Variants in ZBTB8A observed in about 807,000 individuals in gnomAD.
ZBTB8A encodes the protein zinc finger and BTB domain containing 8A.
A neutral mutation model predicts 37.8 loss-of-function variants in ZBTB8A; 19 were observed. That is an observed-to-expected ratio of 0.50 (90% CI 0.35 to 0.74). The LOEUF is 0.74. ZBTB8A is among the 30% of genes least tolerant of loss of function. The pLI is 0.01. For missense variants in ZBTB8A, 394 were observed against 537.8 expected, an observed-to-expected ratio of 0.73 and a Z score of 2.65; for synonymous variants, 181 against 185.2, an observed-to-expected ratio of 0.98 and a Z score of 0.19.
At chr1:32,591,912 C>T (rs536766218) in intron 2 of ZBTB8A, among the ~76,000 whole-genome samples, 5 of 152,098 alleles carry the variant, frequency 3.3e-5, no homozygotes, top group South Asian at 4.1e-4. Flanking sequence ...GGCGCAACCT[C>T]GGCTCACTGC....
At chr1:32,558,520 T>C (rs992625448) in intron 2 of ZBTB8A, among the ~76,000 whole-genome samples, 5 of 151,770 alleles carry the variant, frequency 3.3e-5, no homozygotes, top group Admixed American at 6.6e-5. Flanking sequence ...TGGGAAGATA[T>C]CCTGAGAGTA....
chr1:32,600,194 G>A lies in ZBTB8A; in HGVS notation c.1101G>A (p.Glu367=), dbSNP rs1410872891. ...CCAGGCGCTACAGACTGTGTAATGA[G>A]TGTCTTGCAGAATTTGGCATAGACA... ...EGTRRYRLCN[E]CLAEFGIDSL... The change falls in exon 5 of 5, where the codon GAG becomes GAA. Residue 367 remains glutamate (E), a synonymous_variant. Transcript: ENST00000373510. 6.2e-7 allele frequency: 1 copy of A among 1,614,108 alleles called. No homozygotes were observed. The highest frequency in any genetic ancestry group is 1.3e-5 in the African/African-American group (1 of 74,946).
chr1:32,558,885 C>T (rs1644223158), intron 2 of ZBTB8A, among the ~76,000 whole-genome samples: 1 of 152,148 alleles, frequency 6.6e-6, no homozygotes, highest in South Asian at 2.1e-4. Context: ...TACAATGTCC[C>T]AGGCGCCTGC....
chr1:32,580,085 G>T (rs900964619), intron 2 of ZBTB8A, among the ~76,000 whole-genome samples: 1 of 152,028 alleles, frequency 6.6e-6, no homozygotes, highest in Non-Finnish European at 1.5e-5. Context: ...GGGAGGCCGG[G>T]CATGGTGGCT....
intron 2 of ZBTB8A, among the ~76,000 whole-genome samples, chr1:32,560,930 C>G (rs577847163): frequency 1.3e-5 from 2 of 151,932 alleles, no homozygotes; most frequent in Non-Finnish European, 2.9e-5. Context: ...CCAGCCCAAC[C>G]TCTTCCATTT....
At chr1:32,556,053 C>G (rs1438077015) in intron 2 of ZBTB8A, among the ~76,000 whole-genome samples, 1 of 151,228 alleles carries the variant, frequency 6.6e-6, no homozygotes, top group Non-Finnish European at 1.5e-5. Context: ...GGACTACAGG[C>G]ACATGCAATT....
At chr1:32,569,457 G>C (rs950576183) in intron 2 of ZBTB8A, among the ~76,000 whole-genome samples, 1 of 139,820 alleles carries the variant, frequency 7.2e-6, no homozygotes, top group Admixed American at 7.7e-5. Flanking sequence ...GCAGTGATGC[G>C]ATCTCAGCTC....
At chr1:32,587,195 C>T (rs1050684297) in intron 2 of ZBTB8A, among the ~76,000 whole-genome samples, 2 of 152,076 alleles carry the variant, frequency 1.3e-5, no homozygotes, top group Non-Finnish European at 2.9e-5. Flanking sequence ...GCCGAGATCA[C>T]ACCACTGCAC....
At chr1:32,567,803 A>C (rs1164056924) in intron 2 of ZBTB8A, among the ~76,000 whole-genome samples, 1 of 43,834 alleles carries the variant, frequency 2.3e-5, no homozygotes, top group Non-Finnish European at 4.1e-5. Flanking sequence ...AAAAAAAAAA[A>C]AAAAAAAAAA....
chr1:32,569,529 A>G (rs1644309267), intron 2 of ZBTB8A, among the ~76,000 whole-genome samples: 1 of 150,734 alleles, frequency 6.6e-6, no homozygotes, highest in South Asian at 2.1e-4. Context: ...GAGTAGCTAG[A>G]ACTACAGGCG....
At chr1:32,589,457 C>G in intron 2 of ZBTB8A, among the ~76,000 whole-genome samples, 1 of 151,982 alleles carries the variant, frequency 6.6e-6, no homozygotes, top group African/African-American at 2.4e-5. Context: ...CACCATGTTG[C>G]TCAGGCTGGT....
At chr1:32,541,359 C>T (rs1644052921) in intron 1 of ZBTB8A, among the ~76,000 whole-genome samples, 1 of 152,174 alleles carries the variant, frequency 6.6e-6, no homozygotes, top group Admixed American at 6.6e-5. Context: ...TGCCTGCTCA[C>T]CTCAGGGCCT....
In ZBTB8A at chr1:32,593,568, T is replaced by C. The variant is rs1190162102; in HGVS notation, c.637T>C (p.Leu213=). 5.0e-6 allele frequency: 8 copies of C among 1,614,056 alleles called. No individual in the cohort carries two copies. Among genetic ancestry groups the C allele is most frequent in the African/African-American group, 1.3e-5 (1 of 74,930 alleles). ...AGAGTCCATTAAAAAGACCAAACAT[T>C]TGAGATTGTCACAGCCTTCTGAAGT... ...RKESIKKTKH[L]RLSQPSEVTH... is the part of the protein sequence containing the mutation. The change falls in exon 3 of 5, where the codon TTG becomes CTG. Residue 213 remains leucine (L), a synonymous_variant. Coordinates refer to ENST00000373510, the MANE Select transcript of ZBTB8A (RefSeq NM_001040441.3).
chr1:32,557,350 TTTTGTTTTTG>T (rs1303908186), intron 2 of ZBTB8A, among the ~76,000 whole-genome samples: 2 of 152,134 alleles, frequency 1.3e-5, no homozygotes, highest in South Asian at 2.1e-4. Flanking sequence ...TTCTCTGGGA[TTTTGTTTTTG>T]TTTGTTTTTG....
Position 32,601,690 on chromosome 1 carries a change from G to C in ZBTB8A, c.*1271G>C. On this transcript the variant is annotated 3_prime_UTR_variant, in exon 5 of 5. Coordinates refer to ENST00000373510, the MANE Select transcript of ZBTB8A (RefSeq NM_001040441.3). ...TCTGATTTTAAACAATCCTCTTTCA[G>C]CCTTCTCTCCCTGTATGTCTCCTGA... The C allele has an allele frequency of 2.5e-6, 1 of 398,504 alleles. No individual in the cohort carries two copies. The highest frequency in any genetic ancestry group is 3.6e-5 in the East Asian group (1 of 28,054). 24.7% of individuals were successfully genotyped at this position (398,504 alleles called of 1,614,324 possible). A position where few individuals can be genotyped will look rare whatever the true frequency, so the allele number is the denominator to read the frequency against.
intron 2 of ZBTB8A, among the ~76,000 whole-genome samples, chr1:32,579,521 T>C (rs1644388296): frequency 6.6e-6 from 1 of 152,128 alleles, no homozygotes; most frequent in South Asian, 2.1e-4. Context: ...CTGGGAATTT[T>C]TCTGCTCATA....
At chr1:32,558,059 T>C (rs1361915717) in intron 2 of ZBTB8A, among the ~76,000 whole-genome samples, 1 of 152,200 alleles carries the variant, frequency 6.6e-6, no homozygotes, top group Non-Finnish European at 1.5e-5. Flanking sequence ...ATATGGTATA[T>C]CTGACATATC....
At chr1:32,563,276 A>T (rs1167798282) in intron 2 of ZBTB8A, among the ~76,000 whole-genome samples, 3 of 152,110 alleles carry the variant, frequency 2.0e-5, no homozygotes, top group African/African-American at 7.2e-5. Flanking sequence ...CTCACCCTGT[A>T]ATCCCAGCAG....
intron 2 of ZBTB8A, among the ~76,000 whole-genome samples, chr1:32,573,366 G>A (rs1287210010): frequency 1.4e-5 from 2 of 144,096 alleles, no homozygotes; most frequent in African/African-American, 5.2e-5. Flanking sequence ...GAGCCACCGC[G>A]CCTGGCCCTT....
Sources: allele counts gnomAD v4.1 joint callset (sites outside exome capture counted in the v4.1 genomes callset), GRCh38; gene constraint gnomAD v4.1.1; transcripts MANE v1.5; gene names NCBI Gene and HGNC (gene_info 2026-07-23, HGNC 2026-07-21).